The following MDFIC2 variants were observed in gnomAD, a reference collection of about 807,000 sequenced individuals.
MDFIC2 encodes myoD family inhibitor domain-containing protein 2.
intron 2 of MDFIC2, among the ~76,000 whole-genome samples, chr3:70,240,044 A>T (rs935833052): frequency 6.6e-6 from 1 of 152,122 alleles, no homozygotes; most frequent in African/African-American, 2.4e-5. Context: ...GATAGTTTTG[A>T]GTGCTTCAAT....
At chr3:70,292,252 T>C (rs929666971) in intron 2 of MDFIC2, among the ~76,000 whole-genome samples, 1 of 152,188 alleles carries the variant, frequency 6.6e-6, no homozygotes, top group African/African-American at 2.4e-5. Context: ...GTACATCTTG[T>C]GATTTTTACT....
intron 2 of MDFIC2, among the ~76,000 whole-genome samples, chr3:70,288,736 G>C (rs1702194316): frequency 1.3e-5 from 2 of 151,766 alleles, no homozygotes; most frequent in Admixed American, 6.5e-5. Flanking sequence ...TATGAATCTA[G>C]GTGCTCCTGT....
chr3:70,260,154 A>G (rs575656694), intron 2 of MDFIC2, among the ~76,000 whole-genome samples: 6 of 152,314 alleles, frequency 3.9e-5, no homozygotes, highest in African/African-American at 1.4e-4. Flanking sequence ...CGGCAGAGCC[A>G]TGTTCCCTCT....
chr3:70,224,741 A>G (rs1042000853), intron 2 of MDFIC2, among the ~76,000 whole-genome samples: 35 of 152,056 alleles, frequency 2.3e-4, no homozygotes, highest in Non-Finnish European at 4.4e-4. Flanking sequence ...TCATTTAACC[A>G]TTGCGCTCGG....
chr3:70,207,894 C>T (rs1004317233), intron 2 of MDFIC2, among the ~76,000 whole-genome samples: 1 of 151,948 alleles, frequency 6.6e-6, no homozygotes, highest in African/African-American at 2.4e-5. Context: ...ATGCATTCTC[C>T]TGCCATGTAA....
At chr3:70,281,726 G>A (rs770904655) in intron 2 of MDFIC2, among the ~76,000 whole-genome samples, 7 of 152,156 alleles carry the variant, frequency 4.6e-5, no homozygotes, top group South Asian at 4.1e-4. Context: ...ACTCCTTCTC[G>A]TCTTTGGAAT....
intron 3 of MDFIC2, among the ~76,000 whole-genome samples, chr3:70,202,614 G>C (rs2106721108): frequency 6.6e-6 from 1 of 152,234 alleles, no homozygotes; most frequent in East Asian, 1.9e-4. Context: ...CTGAATTAAA[G>C]AAGGTTTAAG....
intron 2 of MDFIC2, among the ~76,000 whole-genome samples, chr3:70,247,019 G>A (rs1701713653): frequency 6.6e-6 from 1 of 151,836 alleles, no homozygotes; most frequent in African/African-American, 2.4e-5. Flanking sequence ...TCGCCTATCT[G>A]TTTCCATGAC....
intron 2 of MDFIC2, among the ~76,000 whole-genome samples, chr3:70,231,622 A>G (rs999054919): frequency 2.0e-5 from 3 of 152,174 alleles, no homozygotes; most frequent in African/African-American, 2.4e-5. Flanking sequence ...TTAGTTACCA[A>G]TTAAGGCTGA....
intron 3 of MDFIC2, among the ~76,000 whole-genome samples, chr3:70,201,072 C>A (rs1319839588): frequency 1.3e-5 from 2 of 150,876 alleles, no homozygotes; most frequent in African/African-American, 2.4e-5. Flanking sequence ...TTATTAAGTT[C>A]AGGGGTCATG....
chr3:70,233,081 T>C lies in MDFIC2; in HGVS notation c.89-26291A>G, dbSNP rs1430471565. ...GCATGCGCCTGTGGTCTCAGCTAATTGGGAGGCTGAGGCACAAGAATCGCT... is the reference window on the plus strand; with the variant it reads ...GCATGCGCCTGTGGTCTCAGCTAATCGGGAGGCTGAGGCACAAGAATCGCT... On this transcript the variant is annotated intron_variant, in intron 2 of 3. Coordinates refer to ENST00000567252, the MANE Select transcript of MDFIC2 (RefSeq NM_001364677.1). Among the ~76,000 whole-genome samples the C allele has an allele frequency of 1.2e-4, 18 of 152,166 alleles. No individual in the cohort carries two copies. In the South Asian group the frequency reaches 2.7e-3, roughly 23 times the overall value.
chr3:70,243,360 T>C (rs1200960728), intron 2 of MDFIC2, among the ~76,000 whole-genome samples: 1 of 152,216 alleles, frequency 6.6e-6, no homozygotes, highest in Non-Finnish European at 1.5e-5. Context: ...GGCTCAACTG[T>C]TCCTGGGGTC....
intron 2 of MDFIC2, among the ~76,000 whole-genome samples, chr3:70,223,603 A>G (rs1329632990): frequency 6.6e-6 from 1 of 152,148 alleles, no homozygotes; most frequent in Non-Finnish European, 1.5e-5. Context: ...TCCTTCGGGC[A>G]GGTACAATGA....
At chr3:70,261,008 T>C (rs942050064) in intron 2 of MDFIC2, among the ~76,000 whole-genome samples, 1 of 152,144 alleles carries the variant, frequency 6.6e-6, no homozygotes, top group Admixed American at 6.6e-5. Context: ...TCTTGAAAAA[T>C]TCCGCTTGAC....
At chr3:70,290,061 G>C (rs922154566) in intron 2 of MDFIC2, among the ~76,000 whole-genome samples, 1 of 152,176 alleles carries the variant, frequency 6.6e-6, no homozygotes, top group African/African-American at 2.4e-5. Context: ...CTCTCAGCTC[G>C]TCAAAGTCAT....
intron 2 of MDFIC2, among the ~76,000 whole-genome samples, chr3:70,295,468 C>A (rs1453138117): frequency 6.6e-6 from 1 of 152,028 alleles, no homozygotes; most frequent in Non-Finnish European, 1.5e-5. Flanking sequence ...CTTTGGGAGG[C>A]CGAGTGAGAT....
At chr3:70,213,599 T>C (rs895253085) in intron 2 of MDFIC2, among the ~76,000 whole-genome samples, 30 of 152,086 alleles carry the variant, frequency 2.0e-4, no homozygotes, top group African/African-American at 7.0e-4. Context: ...CAAATTATTG[T>C]GGTTAGTAAA....
intron 2 of MDFIC2, among the ~76,000 whole-genome samples, chr3:70,228,367 G>A (rs1201992582): frequency 2.0e-5 from 3 of 151,726 alleles, no homozygotes; most frequent in Non-Finnish European, 4.4e-5. Flanking sequence ...TCATCTTCAG[G>A]ATAGCTTTTC....
At chr3:70,290,635 A>G (rs1436257447) in intron 2 of MDFIC2, among the ~76,000 whole-genome samples, 1 of 152,164 alleles carries the variant, frequency 6.6e-6, no homozygotes, top group Non-Finnish European at 1.5e-5. Context: ...AAGCCTGGGC[A>G]ATGGCGGGCG....
Sources: gnomAD v4.1 joint callset for allele counts (sites outside exome capture counted in the v4.1 genomes callset) on GRCh38, gnomAD v4.1.1 for gene constraint, MANE v1.5 for transcripts, NCBI Gene and HGNC (gene_info 2026-07-23, HGNC 2026-07-21) for gene names.